ACBD6: variants seen among roughly 807,000 people sequenced by gnomAD.
The protein encoded by ACBD6 is acyl-CoA binding domain containing 6.
A neutral mutation model predicts 37.2 loss-of-function variants in ACBD6; 28 were observed. The ratio of observed to expected loss-of-function variants is 0.75; its 90% confidence interval spans 0.56 to 1.03. The LOEUF is 1.03. Ranked by LOEUF, ACBD6 falls within the 50% of genes least tolerant of loss-of-function variation. ACBD6 has a pLI of 0.00. For missense variants in ACBD6, 340 were observed against 337.4 expected (o/e 1.01, Z -0.06); for synonymous variants, 113 against 126.8 (o/e 0.89, Z 0.73).
At chr1:180,345,599 T>A (rs970658595) in intron 6 of ACBD6, among the ~76,000 whole-genome samples, 2 of 152,138 alleles carry the variant, frequency 1.3e-5, no homozygotes, top group Middle Eastern at 3.2e-3. Context: ...TTAGAAACAA[T>A]CTAAGTGTCC....
chr1:180,403,311 C>A (rs72714855), intron 5 of ACBD6, among the ~76,000 whole-genome samples: 24,023 of 152,026 alleles, frequency 0.16, 1,960 homozygotes, highest in Middle Eastern at 0.23. Flanking sequence ...CAAATGTGTA[C>A]TTAAGACTTG....
chr1:180,322,143 G>A (rs1311828326), intron 6 of ACBD6, among the ~76,000 whole-genome samples: 2 of 152,026 alleles, frequency 1.3e-5, no homozygotes, highest in African/African-American at 4.8e-5. Context: ...CCTTCATTCT[G>A]ATGATATAAT....
Position 180,495,539 on chromosome 1 carries a change from G to A in ACBD6, c.223-14C>T. On this transcript the variant is annotated splice_polypyrimidine_tract_variant and intron_variant, in intron 1 of 7. Coordinates refer to ENST00000367595, the MANE Select transcript of ACBD6 (RefSeq NM_032360.4). ...TCCAACTTTGACCTAAATGAGGGAAGGAAAATCAAGAACTTATTTTTCAAA... is the reference window on the plus strand; with the variant it reads ...TCCAACTTTGACCTAAATGAGGGAAAGAAAATCAAGAACTTATTTTTCAAA... 1.9e-6 allele frequency: 3 copies of A among 1,586,490 alleles called. No individual in the cohort carries two copies. The highest frequency in any genetic ancestry group is 2.6e-6 in the Non-Finnish European group (3 of 1,156,214).
intron 3 of ACBD6, among the ~76,000 whole-genome samples, chr1:180,488,367 GA>G (rs780135622): frequency 3.4e-4 from 52 of 152,238 alleles, no homozygotes; most frequent in Non-Finnish European, 5.4e-4. Context: ...TTTTAAAGAT[GA>G]ATTTTAAAGC....
chr1:180,382,543 G>C (rs1015285236), intron 6 of ACBD6, among the ~76,000 whole-genome samples: 32 of 152,136 alleles, frequency 2.1e-4, no homozygotes, highest in Admixed American at 1.4e-3. Context: ...AGTGAGTAAT[G>C]AGATTGAATC....
chr1:180,466,741 A>C (rs762628348), intron 3 of ACBD6, among the ~76,000 whole-genome samples: 26 of 152,196 alleles, frequency 1.7e-4, no homozygotes, highest in Non-Finnish European at 3.1e-4. Flanking sequence ...TTTTAAGTAC[A>C]TACAACATCA....
At position 180,456,238 on chromosome 1, in the gene ACBD6, T is replaced by C. The variant is rs1167098651; in HGVS notation, c.385-25976A>G. 7.4e-5 allele frequency among the ~76,000 whole-genome samples: 11 copies of C among 149,502 alleles called. 1 individual carries two copies. Among genetic ancestry groups the C allele is most frequent in the African/African-American group, 2.7e-4 (11 of 40,602 alleles). On this transcript the variant is annotated intron_variant, in intron 3 of 7. Coordinates refer to ENST00000367595, the MANE Select transcript of ACBD6 (RefSeq NM_032360.4). Reference sequence around the variant, plus strand: ...AAAAAAAAAAAAAAAAGTGACTTAATTTTATAGTTTTAAATTCTCAAAGTA... The same window carrying C: ...AAAAAAAAAAAAAAAAGTGACTTAACTTTATAGTTTTAAATTCTCAAAGTA...
chr1:180,461,402 G>A (rs916680595), intron 3 of ACBD6, among the ~76,000 whole-genome samples: 2 of 152,060 alleles, frequency 1.3e-5, no homozygotes, highest in East Asian at 1.9e-4. Flanking sequence ...ATGCAGACAG[G>A]AAATGCAGAG....
chr1:180,400,796 C>T (rs1371901962), intron 5 of ACBD6, among the ~76,000 whole-genome samples: 2 of 152,052 alleles, frequency 1.3e-5, no homozygotes, highest in Admixed American at 6.5e-5. Flanking sequence ...GGTTTCTTTC[C>T]TTTCTCTTTG....
intron 3 of ACBD6, among the ~76,000 whole-genome samples, chr1:180,473,433 C>A (rs1256626584): frequency 2.4e-5 from 3 of 127,388 alleles, no homozygotes; most frequent in Non-Finnish European, 3.1e-5. Flanking sequence ...GGCGACAGAG[C>A]GAGACTCCGT....
chr1:180,502,237 G>T lies in ACBD6; in HGVS notation c.30C>A (p.Ala10=), dbSNP rs1652015077. 6.2e-7 allele frequency: 1 copy of T among 1,613,600 alleles called. No homozygotes were observed. Among genetic ancestry groups the T allele is most frequent in the Admixed American group, 1.7e-5 (1 of 60,014 alleles). The change falls in exon 1 of 8, where the codon GCC becomes GCA. Residue 10 remains alanine (A), a synonymous_variant. Transcript: ENST00000367595. ...GCTCTCCACCGCTGTCGCCGGTGAT[G>T]GCCCCCGCGGGCAGGAATGATGAAG... The part of the protein sequence containing the change: MASSFLPAG[A]ITGDSGGELS...
intron 4 of ACBD6, among the ~76,000 whole-genome samples, chr1:180,416,903 G>C (rs1455390712): frequency 1.3e-5 from 2 of 152,096 alleles, no homozygotes; most frequent in Non-Finnish European, 2.9e-5. Flanking sequence ...ATTATGGAAG[G>C]AACTAGCTTG....
chr1:180,484,603 C>CA (rs750021193), intron 3 of ACBD6, among the ~76,000 whole-genome samples: 5 of 151,836 alleles, frequency 3.3e-5, no homozygotes, highest in Non-Finnish European at 5.9e-5. Context: ...TTTTAGTATA[C>CA]AAGTAGATAA....
At chr1:180,274,235 G>A (rs769750482) in intron 10 of ACBD6, 21 of 1,614,128 alleles carry the variant, frequency 1.3e-5, no homozygotes, top group African/African-American at 8.0e-5. Context: ...TTATGGCAAC[G>A]TGGGGGACGT....
In ACBD6 at chr1:180,502,191, C is replaced by A; in HGVS notation, c.76G>T (p.Gly26Trp). The change falls in exon 1 of 8, where the codon GGG becomes TGG. Residue 26 changes from glycine (G) to tryptophan (W), a missense_variant. Transcript: ENST00000367595. Reference protein sequence around the residue: ...GGELSSGDDSGEVEFPHSPEI... With the variant: ...GGELSSGDDSWEVEFPHSPEI... Reference sequence around the variant, plus strand: ...GGGCTATGGGGGAACTCCACCTCCCCGGAGTCGTCCCCTGAGCTCAGCTCT... The same window carrying A: ...GGGCTATGGGGGAACTCCACCTCCCAGGAGTCGTCCCCTGAGCTCAGCTCT... The A allele has an allele frequency of 6.2e-7, 1 of 1,614,038 alleles. No individual in the cohort carries two copies.
Position 180,359,812 on chromosome 1 carries a change from T to C in ACBD6, c.663+37704A>G, listed in dbSNP as rs140443490. On this transcript the variant is annotated intron_variant, in intron 6 of 7. Coordinates refer to ENST00000367595, the MANE Select transcript of ACBD6 (RefSeq NM_032360.4). ...GTGTTTTTTTTGTCTCCTATTTATT[T>C]CCAAAGTGCATTTTAAGAACAGATG... Among the ~76,000 whole-genome samples the C allele has an allele frequency of 2.2e-3, 333 of 152,308 alleles. 2 individuals are homozygous for C. The highest frequency in any genetic ancestry group is 3.5e-3 in the Non-Finnish European group (236 of 68,018).
intron 7 of ACBD6, among the ~76,000 whole-genome samples, chr1:180,304,428 T>C (rs1470125079): frequency 6.6e-6 from 1 of 150,814 alleles, no homozygotes; most frequent in Admixed American, 6.6e-5. Context: ...ACAAAATCAA[T>C]GTGCAAAAAT....
intron 6 of ACBD6, among the ~76,000 whole-genome samples, chr1:180,393,822 G>T (rs1310782838): frequency 6.6e-6 from 1 of 152,186 alleles, no homozygotes; most frequent in Non-Finnish European, 1.5e-5. Flanking sequence ...ACACACAATG[G>T]TCATGTGAAT....
downstream of ACBD6, chr1:180,288,185 T>C: frequency 2.5e-6 from 2 of 788,838 alleles, no homozygotes; most frequent in Non-Finnish European, 4.0e-6. Flanking sequence ...AAAACTGTAC[T>C]GCCTAGAATG....
Sources: allele counts gnomAD v4.1 joint callset (sites outside exome capture counted in the v4.1 genomes callset), GRCh38; gene constraint gnomAD v4.1.1; transcripts MANE v1.5; gene names NCBI Gene and HGNC (gene_info 2026-07-23, HGNC 2026-07-21).